The following PLEKHA5 variants were observed in gnomAD, a reference collection of about 807,000 sequenced individuals.
The protein encoded by PLEKHA5 is pleckstrin homology domain containing A5, also known as pleckstrin homology domain-containing family A member 5.
In PLEKHA5, 55 loss-of-function variants were observed where a neutral mutation model predicts 181.9. The ratio of observed to expected loss-of-function variants is 0.30; its 90% confidence interval spans 0.24 to 0.38. The LOEUF is 0.38. Among genes scored for constraint, PLEKHA5 ranks in the 10% least tolerant of loss-of-function variants. The probability of loss-of-function intolerance (pLI) is 1.00; values close to 1 mark genes in which losing one functional copy is unlikely to be tolerated. For missense variants in PLEKHA5, 1,432 were observed against 1,549.5 expected (o/e 0.92, Z 1.27); for synonymous variants, 535 against 529.4 (o/e 1.01, Z -0.15).
At chr12:19,352,076 CAAAAAAA>C (rs1188985121) in intron 25 of PLEKHA5, among the ~76,000 whole-genome samples, 1 of 39,856 alleles carries the variant, frequency 2.5e-5, no homozygotes, top group African/African-American at 9.1e-5. Context: ...AACTCCATCT[CAAAAAAA>C]AAAAAAAAAA....
In PLEKHA5 at chr12:19,194,544, A is replaced by T. The variant is rs141553489; in HGVS notation, c.228-59396A>T. 8.3e-3 allele frequency among the ~76,000 whole-genome samples: 1,268 copies of T among 152,336 alleles called. 13 individuals carry two copies. The highest frequency in any genetic ancestry group is 0.029 in the African/African-American group (1,213 of 41,560). On this transcript the variant is annotated intron_variant, in intron 3 of 31. Transcript: ENST00000429027. ...ATACTGATTTCCATAGAGGTTGTAC[A>T]AATTTACATCCCTACCAAGTGATTT... is the stretch of plus-strand genomic sequence containing the variant.
In PLEKHA5 at chr12:19,307,955, T is replaced by C. The variant is rs146759143; in HGVS notation, c.2038-6859T>C. Among the ~76,000 whole-genome samples, 451 of 148,996 alleles carry C rather than the reference T, an allele frequency of 3.0e-3. 5 individuals are homozygous for C. The highest frequency in any genetic ancestry group is 0.011 in the African/African-American group (432 of 40,326). ...AGAAGAAGAAAGATAAAGAGAGAAA[T>C]AGGTATGAAAGAGAACGATCAACAA... On this transcript the variant is annotated intron_variant, in intron 15 of 31. Transcript: ENST00000429027.
intron 3 of PLEKHA5, among the ~76,000 whole-genome samples, chr12:19,187,587 A>G (rs1187415838): frequency 6.6e-6 from 1 of 152,210 alleles, no homozygotes; most frequent in Non-Finnish European, 1.5e-5. Flanking sequence ...CAAGGGCTTC[A>G]GTGACCTAGC....
intron 3 of PLEKHA5, among the ~76,000 whole-genome samples, chr12:19,234,319 T>C (rs377029830): frequency 1.3e-5 from 2 of 152,282 alleles, no homozygotes; most frequent in South Asian, 2.1e-4. Flanking sequence ...CTCTTTCTCC[T>C]TCTTATTAAA....
intron 15 of PLEKHA5, among the ~76,000 whole-genome samples, chr12:19,308,677 A>C (rs1047391096): frequency 6.6e-6 from 1 of 152,176 alleles, no homozygotes; most frequent in Non-Finnish European, 1.5e-5. Flanking sequence ...AAAATCCTCC[A>C]ACATGATGGA....
At chr12:19,334,687 A>G (rs1367002319) in intron 20 of PLEKHA5, among the ~76,000 whole-genome samples, 2 of 150,666 alleles carry the variant, frequency 1.3e-5, no homozygotes, top group Non-Finnish European at 3.0e-5. Context: ...ATTCATGTAA[A>G]AAGAATTTGC....
chr12:19,265,788 C>A lies in PLEKHA5; in HGVS notation c.649C>A (p.Pro217Thr). 1 of 1,600,396 alleles carries A rather than the reference C, an allele frequency of 6.2e-7. No individual in the cohort carries two copies. The highest frequency in any genetic ancestry group is 8.6e-7 in the Non-Finnish European group (1 of 1,168,746). Residue 217 changes from proline (P) to threonine (T), a missense_variant, in exon 8 of 32, where the codon CCT (proline) becomes ACT (threonine). Physicochemically the swap from Pro to Thr is conservative, Grantham distance 38 (BLOSUM62 -1). This residue lies in a region of PLEKHA5 where 289 missense variants were observed against 381.1 expected (regional missense o/e 0.76). Coordinates refer to ENST00000429027, the MANE Select transcript of PLEKHA5 (RefSeq NM_001256470.2). ...GGGTATCCTGGGAAGCATACTGTTA[C>A]CTAGTTTTCAGATAGCTTTGCTTAC... The part of the protein sequence containing the change: ...EEGILGSILL[P>T]SFQIALLTSE...
At chr12:19,198,882 A>G (rs1026573748) in intron 3 of PLEKHA5, among the ~76,000 whole-genome samples, 51 of 152,050 alleles carry the variant, frequency 3.4e-4, no homozygotes, top group African/African-American at 1.2e-3. Context: ...TTTTTTAAAA[A>G]TTTTTCTATA....
At chr12:19,242,243 G>GTTT (rs57098753) in intron 3 of PLEKHA5, among the ~76,000 whole-genome samples, 1 of 149,808 alleles carries the variant, frequency 6.7e-6, no homozygotes, top group Non-Finnish European at 1.5e-5. Context: ...GTTTTTTTTT[G>GTTT]TTTTTTTTGT....
intron 3 of PLEKHA5, among the ~76,000 whole-genome samples, chr12:19,211,482 C>T (rs2056887717): frequency 1.3e-5 from 2 of 152,100 alleles, no homozygotes; most frequent in African/African-American, 4.8e-5. Flanking sequence ...CCAAGGCATG[C>T]AGAAGCTGGA....
intron 15 of PLEKHA5, among the ~76,000 whole-genome samples, chr12:19,298,522 C>T (rs538320003): frequency 1.3e-5 from 2 of 150,416 alleles, no homozygotes; most frequent in Non-Finnish European, 2.9e-5. Context: ...GCACCCACCA[C>T]CACGCCTGGT....
chr12:19,308,240 T>A (rs1353887720), intron 15 of PLEKHA5, among the ~76,000 whole-genome samples: 1 of 152,160 alleles, frequency 6.6e-6, no homozygotes. Context: ...TATGAGTGAC[T>A]GAATATTGCC....
intron 3 of PLEKHA5, among the ~76,000 whole-genome samples, chr12:19,230,057 G>C (rs1444235447): frequency 6.6e-6 from 1 of 152,074 alleles, no homozygotes; most frequent in East Asian, 1.9e-4. Flanking sequence ...GATACAGAGT[G>C]CTGGTTGGTG....
chr12:19,214,796 G>GGCTCTT (rs2057627870), intron 3 of PLEKHA5, among the ~76,000 whole-genome samples: 1 of 152,058 alleles, frequency 6.6e-6, no homozygotes, highest in African/African-American at 2.4e-5. Context: ...ATCTGAAAGT[G>GGCTCTT]AAAACCATGA....
At chr12:19,325,824 A>G (rs2153065064) in intron 20 of PLEKHA5, among the ~76,000 whole-genome samples, 1 of 151,386 alleles carries the variant, frequency 6.6e-6, no homozygotes, top group East Asian at 2.0e-4. Context: ...CCTGACCAAC[A>G]TGGAGAAACC....
At chr12:19,132,052 C>CA (rs2034056847) in intron 2 of PLEKHA5, among the ~76,000 whole-genome samples, 1 of 148,664 alleles carries the variant, frequency 6.7e-6, no homozygotes, top group Non-Finnish European at 1.5e-5. Flanking sequence ...TTATACCCAG[C>CA]TTTTTTTTTT....
Position 19,158,219 on chromosome 12 carries a change from G to A in PLEKHA5, c.227+25769G>A, listed in dbSNP as rs374544561. Reference sequence around the variant, plus strand: ...ATACAAAAAATTAGCCGGGCGTGGTGGCGGGTGCCTGTGGTCCCAGCTACT... The same window carrying A: ...ATACAAAAAATTAGCCGGGCGTGGTAGCGGGTGCCTGTGGTCCCAGCTACT... On this transcript the variant is annotated intron_variant, in intron 3 of 31. Coordinates refer to ENST00000429027, the MANE Select transcript of PLEKHA5 (RefSeq NM_001256470.2). 2.4e-4 allele frequency among the ~76,000 whole-genome samples: 36 copies of A among 152,144 alleles called. 1 individual carries two copies. The highest frequency in any genetic ancestry group is 8.2e-4 in the African/African-American group (34 of 41,514).
intron 21 of PLEKHA5, among the ~76,000 whole-genome samples, chr12:19,338,882 CAAA>C (rs955263125): frequency 9.2e-6 from 1 of 108,952 alleles, no homozygotes; most frequent in Non-Finnish European, 1.8e-5. Flanking sequence ...AAGTCCATCT[CAAA>C]AAAAAAAAAA....
At chr12:19,286,805 A>C (rs2077298859) in intron 12 of PLEKHA5, among the ~76,000 whole-genome samples, 1 of 151,860 alleles carries the variant, frequency 6.6e-6, no homozygotes, top group Admixed American at 6.6e-5. Context: ...GTCTCTACTA[A>C]AAATACAAAA....
Sources: gnomAD v4.1 joint callset for allele counts (sites outside exome capture counted in the v4.1 genomes callset) on GRCh38, gnomAD v4.1.1 for gene constraint, gnomAD v4.1.1 regional missense constraint, MANE v1.5 for transcripts, NCBI Gene and HGNC (gene_info 2026-07-23, HGNC 2026-07-21) for gene names.